SLIT2: variants seen among roughly 807,000 people sequenced by gnomAD.
The protein encoded by SLIT2 is slit guidance ligand 2, also known as slit homolog 2 protein.
SLIT2 carries 41 observed loss-of-function variants against 185.7 expected under a neutral mutation model. The observed-to-expected ratio is 0.22, with a 90% CI of 0.17 to 0.29. The LOEUF is 0.29. Among genes scored for constraint, SLIT2 ranks in the 10% least tolerant of loss-of-function variants. SLIT2 has a pLI of 1.00. For synonymous variants in SLIT2, 693 were observed against 680.2 expected, an observed-to-expected ratio of 1.02 and a Z score of -0.29; for missense variants, 1,571 against 1,909.0, an observed-to-expected ratio of 0.82 and a Z score of 3.30.
chr4:20,472,134 G>A (rs1715105052), intron 5 of SLIT2, among the ~76,000 whole-genome samples: 1 of 147,514 alleles, frequency 6.8e-6, no homozygotes, highest in South Asian at 2.1e-4. Context: ...TATGAATTAA[G>A]TATTGATAGC....
chr4:20,404,622 C>T (rs533468727), intron 4 of SLIT2, among the ~76,000 whole-genome samples: 37 of 152,034 alleles, frequency 2.4e-4, no homozygotes, highest in Non-Finnish European at 3.5e-4. Flanking sequence ...AGTTCACCAA[C>T]GAATGAATGC....
intron 4 of SLIT2, among the ~76,000 whole-genome samples, chr4:20,343,667 A>G (rs766139575): frequency 2.0e-5 from 3 of 151,816 alleles, no homozygotes; most frequent in Non-Finnish European, 4.4e-5. Context: ...GTGCTAAGCT[A>G]ATTTTTATAT....
intron 3 of SLIT2, among the ~76,000 whole-genome samples, chr4:20,267,386 G>A (rs1287624555): frequency 6.6e-6 from 1 of 151,588 alleles, no homozygotes; most frequent in Non-Finnish European, 1.5e-5. Flanking sequence ...TTATTAGTAT[G>A]CATTTTATTA....
chr4:20,578,655 A>G (rs1275395328), intron 29 of SLIT2, among the ~76,000 whole-genome samples: 2 of 152,290 alleles, frequency 1.3e-5, no homozygotes, highest in East Asian at 3.9e-4. Context: ...AAGCTAATCT[A>G]GTTACATTAG....
intron 12 of SLIT2, among the ~76,000 whole-genome samples, chr4:20,519,689 G>A (rs370076848): frequency 2.0e-5 from 3 of 152,010 alleles, no homozygotes; most frequent in African/African-American, 7.2e-5. Flanking sequence ...ATGCATTCTG[G>A]CTTCTCTATC....
rs188372887 is a variant in SLIT2 at position 20,266,744 on chromosome 4, T to A, written c.324-2066T>A. ...CACAGTCTAGTGGGAAAGAGACCAG[T>A]ACATGAATAAATATTACACAGTGTA... On this transcript the variant is annotated intron_variant, in intron 3 of 36. Coordinates refer to ENST00000504154, the MANE Select transcript of SLIT2 (RefSeq NM_004787.4). Among the ~76,000 whole-genome samples the A allele has an allele frequency of 8.2e-4, 124 of 152,106 alleles. 1 individual carries two copies. Among genetic ancestry groups the A allele is most frequent in the African/African-American group, 2.9e-3 (120 of 41,542 alleles).
At chr4:20,577,839 G>T (rs919850126) in intron 29 of SLIT2, among the ~76,000 whole-genome samples, 13 of 152,142 alleles carry the variant, frequency 8.5e-5, no homozygotes, top group African/African-American at 3.1e-4. Context: ...ATAAAATTTG[G>T]TAATGATAAA....
chr4:20,567,328 GCACATGTAATAGTGATC>G lies in SLIT2; in HGVS notation c.2795_2811del (p.Thr932SerfsTer2). The G allele has an allele frequency of 6.2e-7, 1 of 1,612,802 alleles. No individual in the cohort carries two copies. Among genetic ancestry groups the G allele is most frequent in the Non-Finnish European group, 8.5e-7 (1 of 1,179,110 alleles). On this transcript the variant is annotated frameshift_variant, in exon 27 of 37. Coordinates refer to ENST00000504154, the MANE Select transcript of SLIT2 (RefSeq NM_004787.4). LOFTEE classifies it high-confidence loss of function. ...CTATCAAATCCGTGTAAAAATGATGGCACATGTAATAGTGATCCAGTTGACTTTTACCGATGCACCTG... is the reference window on the plus strand; with the variant it reads ...CTATCAAATCCGTGTAAAAATGATGGCAGTTGACTTTTACCGATGCACCTG...
Position 20,620,488 on chromosome 4 carries a change from G to T in SLIT2, c.*1479G>T. ...TAGATGTACATGTATAATTCAGTGT[G>T]CTTTGTCTTTCTCCAGATTAATATC... On this transcript the variant is annotated 3_prime_UTR_variant, in exon 37 of 37. Transcript: ENST00000504154. 1 of 439,720 alleles carries T rather than the reference G, an allele frequency of 2.3e-6. No individual in the cohort carries two copies. Among genetic ancestry groups the T allele is most frequent in the Non-Finnish European group, 4.5e-6 (1 of 222,096 alleles). 27.2% of individuals were successfully genotyped at this position (439,720 alleles called of 1,614,324 possible).
intron 4 of SLIT2, among the ~76,000 whole-genome samples, chr4:20,384,566 T>C (rs1234758454): frequency 6.6e-6 from 1 of 152,170 alleles, no homozygotes; most frequent in Non-Finnish European, 1.5e-5. Flanking sequence ...ACAATTATAC[T>C]GACAGTTGTG....
intron 18 of SLIT2, among the ~76,000 whole-genome samples, 164 bp downstream of exon 18, chr4:20,533,879 T>TACACACACTCACAC (rs1560172383): frequency 6.6e-6 from 1 of 151,366 alleles, no homozygotes; most frequent in African/African-American, 2.4e-5. Context: ...CACACACACA[T>TACACACACTCACAC]GTATTGTGAA....
intron 4 of SLIT2, among the ~76,000 whole-genome samples, chr4:20,277,603 T>A (rs1185431470): frequency 6.6e-6 from 1 of 151,550 alleles, no homozygotes; most frequent in Non-Finnish European, 1.5e-5. Flanking sequence ...AAACTACCAC[T>A]GTAGTTACAT....
chr4:20,381,752 T>A (rs1386943969), intron 4 of SLIT2, among the ~76,000 whole-genome samples: 3 of 151,908 alleles, frequency 2.0e-5, no homozygotes, highest in Non-Finnish European at 4.4e-5. Flanking sequence ...CTGCTAACAT[T>A]TAAAGAAAGT....
chr4:20,614,699 C>G (rs1034467119), intron 34 of SLIT2, among the ~76,000 whole-genome samples: 4 of 151,676 alleles, frequency 2.6e-5, no homozygotes, highest in African/African-American at 9.7e-5. Context: ...ATCGCTTGAA[C>G]CCAGGAGGCG....
intron 33 of SLIT2, among the ~76,000 whole-genome samples, chr4:20,609,012 T>TA: frequency 6.6e-6 from 1 of 152,292 alleles, no homozygotes; most frequent in Admixed American, 6.5e-5. Flanking sequence ...GAAAGGTAAG[T>TA]ACGTTCTTAA....
At chr4:20,587,770 C>T (rs1057379088) in intron 29 of SLIT2, among the ~76,000 whole-genome samples, 5 of 152,166 alleles carry the variant, frequency 3.3e-5, no homozygotes, top group East Asian at 1.9e-4. Flanking sequence ...CACAACATCA[C>T]GTAGTAAATC....
At chr4:20,590,223 A>G (rs1381542719) in intron 30 of SLIT2, among the ~76,000 whole-genome samples, 1 of 152,078 alleles carries the variant, frequency 6.6e-6, no homozygotes, top group African/African-American at 2.4e-5. Context: ...TTTGTTTAGT[A>G]CACTAAAGAA....
intron 4 of SLIT2, among the ~76,000 whole-genome samples, chr4:20,443,578 A>T (rs1181478928): frequency 7.2e-6 from 1 of 139,206 alleles, no homozygotes; most frequent in Non-Finnish European, 1.5e-5. Context: ...CAGAGGAGAA[A>T]ATCTAAAAAA....
intron 4 of SLIT2, among the ~76,000 whole-genome samples, chr4:20,441,733 C>G (rs1729769340): frequency 6.6e-6 from 1 of 152,116 alleles, no homozygotes; most frequent in Non-Finnish European, 1.5e-5. Flanking sequence ...AACATGGGTC[C>G]TACCTGCACA....
Sources: gnomAD v4.1 joint callset for allele counts (sites outside exome capture counted in the v4.1 genomes callset) on GRCh38, gnomAD v4.1.1 for gene constraint, MANE v1.5 for transcripts, NCBI Gene and HGNC (gene_info 2026-07-23, HGNC 2026-07-21) for gene names.